The following SCLT1 variants were observed in gnomAD, a reference collection of about 807,000 sequenced individuals.
SCLT1 encodes the protein sodium channel-associated protein 1.
In SCLT1, 78 loss-of-function variants were observed where a neutral mutation model predicts 112.8. The observed-to-expected ratio is 0.69, with a 90% confidence interval of 0.58 to 0.83. SCLT1 has a LOEUF of 0.83. Among genes scored for constraint, SCLT1 ranks in the 40% least tolerant of loss-of-function variants. The pLI, the probability that SCLT1 is intolerant of heterozygous loss-of-function variation, is 0.00. For missense variants in SCLT1, 747 were observed against 770.4 expected (o/e 0.97, Z 0.36); for synonymous variants, 257 against 254.7 (o/e 1.01, Z -0.09).
chr4:128,934,440 T>C (rs1408986155), intron 18 of SCLT1, among the ~76,000 whole-genome samples: 1 of 151,830 alleles, frequency 6.6e-6, no homozygotes, highest in Non-Finnish European at 1.5e-5. Flanking sequence ...TCTATAGGTA[T>C]ATTGGTGGGG....
At chr4:129,001,221 T>C (rs1458667739) in intron 6 of SCLT1, among the ~76,000 whole-genome samples, 2 of 152,054 alleles carry the variant, frequency 1.3e-5, no homozygotes, top group African/African-American at 4.8e-5. Flanking sequence ...ACAACCCAGA[T>C]TCTCCTAGAG....
chr4:128,990,561 T>G (rs1220342599), intron 9 of SCLT1, among the ~76,000 whole-genome samples: 1 of 151,814 alleles, frequency 6.6e-6, no homozygotes, highest in African/African-American at 2.4e-5. Flanking sequence ...TTCACCACTG[T>G]TATTCAACAC....
chr4:129,015,076 T>C (rs1238240079), intron 5 of SCLT1, among the ~76,000 whole-genome samples: 1 of 151,908 alleles, frequency 6.6e-6, no homozygotes. Flanking sequence ...AGTGCAACAG[T>C]GGAGTGCTGG....
chr4:129,036,246 A>G (rs1032878886), intron 5 of SCLT1, among the ~76,000 whole-genome samples: 7 of 152,108 alleles, frequency 4.6e-5, no homozygotes, highest in African/African-American at 1.7e-4. Flanking sequence ...TGTACTAGGA[A>G]TAAACATACT....
intron 18 of SCLT1, among the ~76,000 whole-genome samples, chr4:128,912,388 G>A (rs532681081): frequency 7.2e-4 from 109 of 152,080 alleles, no homozygotes; most frequent in Non-Finnish European, 1.4e-3. Flanking sequence ...TATCACCTTT[G>A]TAACGTATTT....
chr4:129,061,258 A>G (rs955097118), intron 2 of SCLT1, among the ~76,000 whole-genome samples: 2 of 152,162 alleles, frequency 1.3e-5, no homozygotes, highest in Non-Finnish European at 2.9e-5. Context: ...GGCAAAGTAC[A>G]GTTGTCTTTC....
chr4:129,006,555 AT>A (rs1351986257), intron 5 of SCLT1, among the ~76,000 whole-genome samples: 5 of 138,214 alleles, frequency 3.6e-5, no homozygotes, highest in Non-Finnish European at 6.5e-5. Flanking sequence ...AAAAAAAAAA[AT>A]TTAAAGGTCA....
intron 2 of SCLT1, among the ~76,000 whole-genome samples, chr4:129,055,877 T>C (rs750067134): frequency 1.3e-5 from 2 of 151,758 alleles, no homozygotes; most frequent in Non-Finnish European, 2.9e-5. Context: ...GCTAGCTTGG[T>C]GTCTGCCCAA....
intron 20 of SCLT1, among the ~76,000 whole-genome samples, chr4:128,888,008 G>C (rs951636583): frequency 2.6e-5 from 4 of 152,140 alleles, no homozygotes; most frequent in African/African-American, 7.2e-5. Context: ...TTGTGTAACA[G>C]AACTTTTTGT....
At chr4:128,897,217 A>G (rs1179560106) in intron 18 of SCLT1, among the ~76,000 whole-genome samples, 1 of 152,132 alleles carries the variant, frequency 6.6e-6, no homozygotes, top group Non-Finnish European at 1.5e-5. Context: ...AAGACACATA[A>G]TTGTCAGATT....
chr4:128,939,663 G>A (rs1258475322), intron 17 of SCLT1, among the ~76,000 whole-genome samples: 1 of 152,166 alleles, frequency 6.6e-6, no homozygotes, highest in Non-Finnish European at 1.5e-5. Flanking sequence ...TGAAGAAATG[G>A]AGAGCCCTGG....
chr4:129,049,915 G>A (rs1041353299), intron 2 of SCLT1, among the ~76,000 whole-genome samples: 14 of 152,182 alleles, frequency 9.2e-5, no homozygotes, highest in African/African-American at 3.4e-4. Flanking sequence ...ACAGGCCCTG[G>A]TGTGTGATGT....
At chr4:128,935,171 AT>A (rs376636495) in intron 18 of SCLT1, among the ~76,000 whole-genome samples, 3 of 151,036 alleles carry the variant, frequency 2.0e-5, no homozygotes, top group Non-Finnish European at 1.5e-5. Flanking sequence ...ACTGGTAATG[AT>A]TTTTTTTTGT....
At chr4:128,883,572 G>C (rs318500), downstream of SCLT1, among the ~76,000 whole-genome samples, 1 of 151,942 alleles carries the variant, frequency 6.6e-6, no homozygotes, top group South Asian at 2.1e-4. Context: ...AATAAAAAAA[G>C]ATTCCTATGA....
At chr4:129,071,612 G>GC (rs1465205886) in intron 2 of SCLT1, among the ~76,000 whole-genome samples, 12 of 151,946 alleles carry the variant, frequency 7.9e-5, no homozygotes, top group African/African-American at 2.9e-4. Context: ...ATATAAGAAT[G>GC]ACTACTCCTG....
chr4:129,087,306 C>T (rs148089698), intron 1 of SCLT1, among the ~76,000 whole-genome samples: 1 of 152,174 alleles, frequency 6.6e-6, no homozygotes, highest in African/African-American at 2.4e-5. Flanking sequence ...AAAACCTTTC[C>T]ACAAAGAAAA....
intron 2 of SCLT1, among the ~76,000 whole-genome samples, chr4:129,059,443 C>T (rs1169741954): frequency 6.6e-6 from 1 of 152,150 alleles, no homozygotes; most frequent in Non-Finnish European, 1.5e-5. Context: ...CGTGTATCTG[C>T]TCCACCAGTG....
chr4:129,038,391 C>T (rs1183094592), intron 5 of SCLT1, among the ~76,000 whole-genome samples: 1 of 152,060 alleles, frequency 6.6e-6, no homozygotes, highest in Non-Finnish European at 1.5e-5. Flanking sequence ...CCTTGAAACT[C>T]TTGCACTTGT....
intron 14 of SCLT1, among the ~76,000 whole-genome samples, chr4:128,952,052 T>C (rs1367238029): frequency 2.0e-5 from 3 of 152,136 alleles, no homozygotes; most frequent in Non-Finnish European, 2.9e-5. Context: ...GACTCTACTA[T>C]GTTGAGATGC....
Sources: allele counts gnomAD v4.1 joint callset (sites outside exome capture counted in the v4.1 genomes callset), GRCh38; gene constraint gnomAD v4.1.1; transcripts MANE v1.5; gene names NCBI Gene and HGNC (gene_info 2026-07-23, HGNC 2026-07-21).